Variants in GRM7 observed in about 807,000 individuals in gnomAD.
GRM7 encodes metabotropic glutamate receptor 7.
In GRM7, 35 loss-of-function variants were observed where a neutral mutation model predicts 84.5. That is an observed-to-expected ratio of 0.41 (90% CI 0.32 to 0.55). GRM7 has a LOEUF of 0.55. Ranked by LOEUF, GRM7 falls within the 20% of genes least tolerant of loss-of-function variation. The probability of loss-of-function intolerance (pLI) is 0.19; values close to 1 mark genes in which losing one functional copy is unlikely to be tolerated. For synonymous variants in GRM7, 487 were observed against 455.1 expected (o/e 1.07, Z -0.89); for missense variants, 1,003 against 1,194.6 (o/e 0.84, Z 2.36).
chr3:7,729,412 T>G (rs555080576), intron 9 of GRM7, among the ~76,000 whole-genome samples: 1 of 152,326 alleles, frequency 6.6e-6, no homozygotes, highest in Non-Finnish European at 1.5e-5. Flanking sequence ...GTCATATTCC[T>G]AAGTGCAAGA....
chr3:7,408,840 A>T (rs567817569), intron 4 of GRM7, among the ~76,000 whole-genome samples: 107 of 152,336 alleles, frequency 7.0e-4, no homozygotes, highest in African/African-American at 2.5e-3. Context: ...CTGTGGTTGA[A>T]TCCATGCAGT....
intron 2 of GRM7, among the ~76,000 whole-genome samples, chr3:7,282,085 C>T (rs546069989): frequency 5.5e-4 from 83 of 151,984 alleles, no homozygotes; most frequent in African/African-American, 1.9e-3. Context: ...TCCATCTCTA[C>T]GAAACAAACA....
intron 1 of GRM7, among the ~76,000 whole-genome samples, chr3:6,936,850 A>G (rs73808490): frequency 0.079 from 12,041 of 152,236 alleles, 526 homozygotes; most frequent in Middle Eastern, 0.11. Context: ...ATTATTAGAC[A>G]TATATACTGC....
At chr3:7,552,648 T>G (rs2324308) in intron 7 of GRM7, among the ~76,000 whole-genome samples, 15,477 of 152,308 alleles carry the variant, frequency 0.1, 876 homozygotes, top group South Asian at 0.12. Context: ...TGCCAAGGCT[T>G]GGGGCTTGCA....
At chr3:7,164,534 C>T (rs1386649150) in intron 2 of GRM7, among the ~76,000 whole-genome samples, 1 of 152,198 alleles carries the variant, frequency 6.6e-6, no homozygotes, top group Non-Finnish European at 1.5e-5. Flanking sequence ...CCCACTATGT[C>T]TCTAACTTCA....
chr3:7,215,534 G>A (rs1344013934), intron 2 of GRM7, among the ~76,000 whole-genome samples: 1 of 151,898 alleles, frequency 6.6e-6, no homozygotes, highest in African/African-American at 2.4e-5. Flanking sequence ...GCGTGGTGGT[G>A]GGCGCCTGTA....
chr3:7,551,102 T>C (rs1397197219), intron 7 of GRM7, among the ~76,000 whole-genome samples: 3 of 152,192 alleles, frequency 2.0e-5, no homozygotes, highest in Non-Finnish European at 2.9e-5. Context: ...GTCTTATGAA[T>C]AATAAATTCA....
chr3:7,037,487 G>C (rs558604180), intron 1 of GRM7, among the ~76,000 whole-genome samples: 1 of 152,260 alleles, frequency 6.6e-6, no homozygotes, highest in Non-Finnish European at 1.5e-5. Flanking sequence ...TTTAAGAATT[G>C]AGTGAATTCA....
Position 7,578,974 on chromosome 3 carries a change from T to C in GRM7, c.2068T>C (p.Ser690Pro). The C allele has an allele frequency of 6.2e-7, 1 of 1,614,058 alleles. No individual in the cohort carries two copies. Among genetic ancestry groups the C allele is most frequent in the East Asian group, 2.2e-5 (1 of 44,868 alleles). The change falls in exon 8 of 10, where the codon TCA becomes CCA. Residue 690 changes from serine (S) to proline (P), a missense_variant. By Grantham distance (74) the Ser-to-Pro change is moderately conservative. Around this residue, in one of 2 missense-constraint regions of GRM7, gnomAD observed 910 missense variants for 1,126.0 expected, o/e 0.81. Coordinates refer to ENST00000357716, the MANE Select transcript of GRM7 (RefSeq NM_000844.4). ...IYRIFEQGKKSVTAPRLISPT... is the reference protein window; with the variant it reads ...IYRIFEQGKKPVTAPRLISPT... ...TCGCATATTTGAGCAGGGCAAGAAA[T>C]CAGTAACAGCTCCCAGACTCATAAG...
chr3:7,684,218 G>C (rs1200085935), intron 9 of GRM7, among the ~76,000 whole-genome samples: 1 of 152,122 alleles, frequency 6.6e-6, no homozygotes, highest in Non-Finnish European at 1.5e-5. Flanking sequence ...CTTAACTTTT[G>C]TAACAGAGAT....
intron 1 of GRM7, among the ~76,000 whole-genome samples, chr3:6,921,255 AGC>A (rs1697113804): frequency 6.6e-6 from 1 of 152,212 alleles, no homozygotes; most frequent in South Asian, 2.1e-4. Context: ...CCGAAAGAGC[AGC>A]TGCAAGAGGA....
intron 1 of GRM7, among the ~76,000 whole-genome samples, chr3:7,087,392 CTT>C (rs55998387): frequency 0.53 from 77,862 of 146,944 alleles, 21,000 homozygotes; most frequent in African/African-American, 0.69. Flanking sequence ...AGAATATGCT[CTT>C]TTTTTTTTTT....
chr3:7,386,622 T>C (rs1694795376), intron 4 of GRM7, among the ~76,000 whole-genome samples: 1 of 152,232 alleles, frequency 6.6e-6, no homozygotes, highest in Non-Finnish European at 1.5e-5. Context: ...TCTTTATGGC[T>C]ACATAGTATT....
At chr3:7,487,066 A>G (rs1699348771) in intron 7 of GRM7, among the ~76,000 whole-genome samples, 1 of 152,188 alleles carries the variant, frequency 6.6e-6, no homozygotes, top group Non-Finnish European at 1.5e-5. Flanking sequence ...TTTGAAGTAA[A>G]ATACAGTTGT....
At chr3:7,538,607 T>G (rs1377063837) in intron 7 of GRM7, among the ~76,000 whole-genome samples, 4 of 152,196 alleles carry the variant, frequency 2.6e-5, no homozygotes, top group Non-Finnish European at 4.4e-5. Context: ...GTTGGCAGTT[T>G]TAAAATATTA....
At chr3:7,269,125 G>A (rs1040427311) in intron 2 of GRM7, among the ~76,000 whole-genome samples, 17 of 152,174 alleles carry the variant, frequency 1.1e-4, no homozygotes, top group African/African-American at 3.9e-4. Flanking sequence ...GACCTGGAAG[G>A]CTGTGCTCAA....
intron 5 of GRM7, among the ~76,000 whole-genome samples, chr3:7,422,716 C>T (rs1474222451): frequency 6.6e-6 from 1 of 152,132 alleles, no homozygotes; most frequent in Admixed American, 6.6e-5. Flanking sequence ...GCTTTTAGAA[C>T]ACAAAGGTCA....
chr3:7,055,502 T>A (rs1697186279), intron 1 of GRM7, among the ~76,000 whole-genome samples: 1 of 150,314 alleles, frequency 6.7e-6, no homozygotes, highest in Non-Finnish European at 1.5e-5. Context: ...TGTGTGTGTG[T>A]GTGTATGTAT....
At chr3:7,625,305 A>C (rs959068555) in intron 8 of GRM7, among the ~76,000 whole-genome samples, 2 of 152,170 alleles carry the variant, frequency 1.3e-5, no homozygotes, top group African/African-American at 4.8e-5. Flanking sequence ...TTGAGGAAGC[A>C]GCAATGGGAA....
Sources: allele counts gnomAD v4.1 joint callset (sites outside exome capture counted in the v4.1 genomes callset), GRCh38; gene constraint gnomAD v4.1.1; regional missense constraint gnomAD v4.1.1; transcripts MANE v1.5; gene names NCBI Gene and HGNC (gene_info 2026-07-23, HGNC 2026-07-21).